PTBP2: variants seen among roughly 807,000 people sequenced by gnomAD.
PTBP2 encodes the protein polypyrimidine tract binding protein 2.
Under a neutral mutation model 61.4 loss-of-function variants are expected in PTBP2, and 13 were observed. The observed-to-expected ratio is 0.21, with a 90% CI of 0.14 to 0.34. The LOEUF (loss-of-function observed/expected upper bound fraction) is 0.34. Among genes scored for constraint, PTBP2 ranks in the 10% least tolerant of loss-of-function variants. The probability of loss-of-function intolerance (pLI) is 1.00; values close to 1 mark genes in which losing one functional copy is unlikely to be tolerated. For synonymous variants in PTBP2, 215 were observed against 218.5 expected, an observed-to-expected ratio of 0.98 and a Z score of 0.14; for missense variants, 405 against 642.6, an observed-to-expected ratio of 0.63 and a Z score of 4.00.
intron 7 of PTBP2, among the ~76,000 whole-genome samples, chr1:96,782,169 A>G (rs1658748774): frequency 6.6e-6 from 1 of 151,990 alleles, no homozygotes; most frequent in Non-Finnish European, 1.5e-5. Flanking sequence ...TGTCTTTATT[A>G]GGAATATCTT....
chr1:96,743,431 C>G (rs978885334), intron 2 of PTBP2, among the ~76,000 whole-genome samples: 27 of 152,146 alleles, frequency 1.8e-4, no homozygotes, highest in Admixed American at 1.7e-3. Flanking sequence ...CAGATGTACT[C>G]TATGTAATTC....
At chr1:96,724,981 T>C (rs1650192311) in intron 2 of PTBP2, among the ~76,000 whole-genome samples, 2 of 152,214 alleles carry the variant, frequency 1.3e-5, no homozygotes, top group Middle Eastern at 3.2e-3. Flanking sequence ...TTGCCCATTC[T>C]TTAGGCTTGT....
At chr1:96,793,557 G>T (rs1394695041) in intron 8 of PTBP2, among the ~76,000 whole-genome samples, 1 of 151,950 alleles carries the variant, frequency 6.6e-6, no homozygotes, top group Non-Finnish European at 1.5e-5. Context: ...AGTTTTAGTA[G>T]AGACAGGCTT....
intron 8 of PTBP2, among the ~76,000 whole-genome samples, chr1:96,789,734 C>T (rs557700275): frequency 6.6e-6 from 1 of 151,742 alleles, no homozygotes; most frequent in South Asian, 2.1e-4. Flanking sequence ...ATAATGAATC[C>T]CATACACCTG....
intron 8 of PTBP2, among the ~76,000 whole-genome samples, chr1:96,795,445 A>G (rs1660280824): frequency 1.3e-5 from 2 of 152,170 alleles, no homozygotes; most frequent in East Asian, 1.9e-4. Flanking sequence ...CTTGGGTAAG[A>G]GTTCTGTGGA....
At chr1:96,727,898 TC>T (rs1312549701) in intron 2 of PTBP2, among the ~76,000 whole-genome samples, 1 of 152,172 alleles carries the variant, frequency 6.6e-6, no homozygotes, top group African/African-American at 2.4e-5. Context: ...ACCAATTTTT[TC>T]TTTTATGGAT....
chr1:96,757,051 C>T (rs1284194162), intron 3 of PTBP2, among the ~76,000 whole-genome samples: 1 of 152,122 alleles, frequency 6.6e-6, no homozygotes, highest in Non-Finnish European at 1.5e-5. Flanking sequence ...CTGCTTTCCT[C>T]TCCATTTTGC....
rs534360411 is a variant in PTBP2, at chr1:96,737,255, T to C, written c.39+13661T>C. 3.3e-5 allele frequency among the ~76,000 whole-genome samples: 5 copies of C among 152,266 alleles called. No homozygotes were observed. The East Asian group carries it at 7.7e-4, about 24-fold the overall frequency. On this transcript the variant is annotated intron_variant, in intron 2 of 13. Transcript: ENST00000674951. ...TGCTGGGATTACAGGCGTGAGCCAC[T>C]GCGACCGGCCCACTTTTTCTTTTTA...
intron 3 of PTBP2, among the ~76,000 whole-genome samples, chr1:96,763,819 T>C (rs1393196758): frequency 6.6e-6 from 1 of 152,170 alleles, no homozygotes; most frequent in Non-Finnish European, 1.5e-5. Context: ...CTATTTTTTT[T>C]CTGACAAAAA....
chr1:96,725,724 T>C (rs566139404), intron 2 of PTBP2, among the ~76,000 whole-genome samples: 2 of 152,298 alleles, frequency 1.3e-5, no homozygotes, highest in Non-Finnish European at 2.9e-5. Context: ...AGTAATTAAG[T>C]GTTCTTTAAA....
intron 8 of PTBP2, among the ~76,000 whole-genome samples, chr1:96,787,352 T>A (rs1438916793): frequency 6.6e-6 from 1 of 152,196 alleles, no homozygotes; most frequent in Non-Finnish European, 1.5e-5. Flanking sequence ...CGTTGTACAT[T>A]TTTACATTAA....
intron 11 of PTBP2, 64 bp downstream of exon 11, chr1:96,807,022 G>T: frequency 2.4e-6 from 3 of 1,258,168 alleles, no homozygotes; most frequent in Middle Eastern, 3.9e-4. Flanking sequence ...TAATGTGAAT[G>T]TGCGAATAAA....
Position 96,796,775 on chromosome 1 carries a change from A to G in PTBP2, c.905-8025A>G, listed in dbSNP as rs140231716. On this transcript the variant is annotated intron_variant, in intron 8 of 13. Coordinates refer to ENST00000674951, the MANE Select transcript of PTBP2 (RefSeq NM_021190.4). ...TAAGCTTGAGCCTAAGCTTGACTCT[A>G]TGGTAAAGTCAAGTCAAGGGAGAAT... 2.8e-3 allele frequency among the ~76,000 whole-genome samples: 422 copies of G among 152,202 alleles called. 1 individual carries two copies. The highest frequency in any genetic ancestry group is 9.1e-3 in the African/African-American group (377 of 41,548).
intron 9 of PTBP2, among the ~76,000 whole-genome samples, chr1:96,805,168 A>T (rs1661382589): frequency 1.3e-5 from 2 of 152,036 alleles, no homozygotes; most frequent in Admixed American, 1.3e-4. Flanking sequence ...TATATTTTTT[A>T]ACCTAACCTA....
intron 2 of PTBP2, among the ~76,000 whole-genome samples, chr1:96,731,114 T>A (rs910322464): frequency 6.6e-6 from 1 of 152,212 alleles, no homozygotes; most frequent in African/African-American, 2.4e-5. Flanking sequence ...GTGTAGTTAC[T>A]GGACATACCA....
chr1:96,767,082 G>A (rs1656817020), intron 3 of PTBP2, among the ~76,000 whole-genome samples: 1 of 152,206 alleles, frequency 6.6e-6, no homozygotes, highest in African/African-American at 2.4e-5. Flanking sequence ...AAATATTGAT[G>A]CAAAATAAAA....
At chr1:96,821,338 TGTAAA>T (rs764555211) in exon 14 of PTBP2, 5 of 152,108 alleles carry the variant, frequency 3.3e-5, no homozygotes, top group Non-Finnish European at 5.9e-5. Context: ...ATTTTTGTTT[TGTAAA>T]GTAGTTTAAT....
intron 2 of PTBP2, among the ~76,000 whole-genome samples, chr1:96,739,749 G>T (rs1305627902): frequency 1.3e-5 from 2 of 150,590 alleles, no homozygotes; most frequent in Non-Finnish European, 3.0e-5. Context: ...GAGTAGCTGG[G>T]ACTACAGGCG....
At chr1:96,752,921 G>A (rs1370769693) in intron 3 of PTBP2, among the ~76,000 whole-genome samples, 1 of 152,136 alleles carries the variant, frequency 6.6e-6, no homozygotes, top group Non-Finnish European at 1.5e-5. Context: ...CTGGCTTTCT[G>A]TCTTGGACTA....
Sources: allele counts gnomAD v4.1 joint callset (sites outside exome capture counted in the v4.1 genomes callset), GRCh38; gene constraint gnomAD v4.1.1; transcripts MANE v1.5; gene names NCBI Gene and HGNC (gene_info 2026-07-23, HGNC 2026-07-21).